Variants in IL7 observed in about 807,000 individuals in gnomAD.
IL7 encodes interleukin-7.
Under a neutral mutation model 21.6 loss-of-function variants are expected in IL7, and 3 were observed. That is an observed-to-expected ratio of 0.14 (90% confidence interval 0.06 to 0.36). The LOEUF (loss-of-function observed/expected upper bound fraction) is 0.36. IL7 is among the 10% of genes least tolerant of loss of function. The pLI, the probability that IL7 is intolerant of heterozygous loss-of-function variation, is 1.00. For synonymous variants in IL7, 62 were observed against 68.1 expected, an observed-to-expected ratio of 0.91 and a Z score of 0.44; for missense variants, 175 against 200.2, an observed-to-expected ratio of 0.87 and a Z score of 0.76.
intron 2 of IL7, among the ~76,000 whole-genome samples, chr8:78,787,497 ACT>A (rs1813551462): frequency 6.6e-6 from 1 of 152,054 alleles, no homozygotes; most frequent in Non-Finnish European, 1.5e-5. Context: ...TCCCACAGAT[ACT>A]CTCTGTCCCC....
At chr8:78,718,841 TACAA>T (rs1033124760) in intron 6 of IL7, 3 of 151,780 alleles carry the variant, frequency 2.0e-5, no homozygotes, top group African/African-American at 7.2e-5. Flanking sequence ...ACTGTAAAGG[TACAA>T]ACAAATCTCT....
chr8:78,696,046 T>A (rs1239694557), intron 3 of IL7, among the ~76,000 whole-genome samples: 1 of 152,114 alleles, frequency 6.6e-6, no homozygotes. Flanking sequence ...TTTCTTTCTT[T>A]TTTTTTTGAG....
At chr8:78,760,598 G>A in intron 2 of IL7, 2 of 1,561,440 alleles carry the variant, frequency 1.3e-6, no homozygotes, top group South Asian at 2.4e-5. Flanking sequence ...TCCCATGACT[G>A]AGGGTACCAG....
At chr8:78,690,377 G>A (rs1423051071) in intron 3 of IL7, among the ~76,000 whole-genome samples, 1 of 152,176 alleles carries the variant, frequency 6.6e-6, no homozygotes, top group African/African-American at 2.4e-5. Flanking sequence ...TGGCTAACAC[G>A]GTGAAACCCC....
chr8:78,717,175 ACT>A (rs1010785747), downstream of IL7, among the ~76,000 whole-genome samples: 2 of 152,220 alleles, frequency 1.3e-5, no homozygotes, highest in Admixed American at 1.3e-4. Flanking sequence ...TTTAGTATTT[ACT>A]AACAAGGATT....
At chr8:78,756,232 TA>T (rs1398606447) in intron 2 of IL7, among the ~76,000 whole-genome samples, 1 of 152,004 alleles carries the variant, frequency 6.6e-6, no homozygotes, top group East Asian at 1.9e-4. Flanking sequence ...TTCAGTTTGT[TA>T]GTATTTTGTT....
At chr8:78,777,423 C>T (rs1448865620) in intron 2 of IL7, among the ~76,000 whole-genome samples, 2 of 151,992 alleles carry the variant, frequency 1.3e-5, no homozygotes, top group African/African-American at 4.8e-5. Context: ...TATGTTGTGG[C>T]ATTAGCATTC....
At chr8:78,699,875 G>C (rs1040579680) in intron 3 of IL7, among the ~76,000 whole-genome samples, 1 of 152,078 alleles carries the variant, frequency 6.6e-6, no homozygotes, top group Non-Finnish European at 1.5e-5. Context: ...ATCATTGATG[G>C]ACATTTAGGT....
At chr8:78,746,596 T>C (rs1487533532) in intron 2 of IL7, among the ~76,000 whole-genome samples, 1 of 152,208 alleles carries the variant, frequency 6.6e-6, no homozygotes, top group African/African-American at 2.4e-5. Flanking sequence ...GAATTTAAGC[T>C]GTACCTCTTG....
intron 3 of IL7, among the ~76,000 whole-genome samples, chr8:78,710,273 T>G (rs1201668282): frequency 6.6e-6 from 1 of 152,152 alleles, no homozygotes; most frequent in Non-Finnish European, 1.5e-5. Context: ...AAGTAACATT[T>G]GAGTTTTGAA....
At chr8:78,698,437 T>A in intron 3 of IL7, 1 of 1,612,902 alleles carries the variant, frequency 6.2e-7, no homozygotes, top group Non-Finnish European at 8.5e-7. Flanking sequence ...TAAAGTGTCT[T>A]CAAGTAGCAG....
intron 2 of IL7, among the ~76,000 whole-genome samples, chr8:78,749,158 A>G (rs557180281): frequency 1.1e-3 from 173 of 152,252 alleles, no homozygotes; most frequent in African/African-American, 4.1e-3. Context: ...GAAGACTCCA[A>G]ACTAGTAGTT....
intron 5 of IL7, among the ~76,000 whole-genome samples, chr8:78,735,281 T>C (rs1457035211): frequency 6.2e-5 from 8 of 130,030 alleles, no homozygotes; most frequent in East Asian, 2.0e-4. Flanking sequence ...CTTTTCTTTT[T>C]TTTTTTTTTT....
chr8:78,767,936 ACAGTCCC>A (rs961856428), intron 2 of IL7, among the ~76,000 whole-genome samples: 5 of 151,608 alleles, frequency 3.3e-5, no homozygotes, highest in Admixed American at 2.6e-4. Flanking sequence ...CCACCTCACA[ACAGTCCC>A]CAGAGTGTGA....
At chr8:78,764,795 C>T (rs1401581948) in intron 2 of IL7, among the ~76,000 whole-genome samples, 1 of 151,988 alleles carries the variant, frequency 6.6e-6, no homozygotes, top group African/African-American at 2.4e-5. Context: ...CAATCAGAAT[C>T]CCAGGAAGTT....
chr8:78,762,386 G>A, intron 2 of IL7: 2 of 1,612,194 alleles, frequency 1.2e-6, no homozygotes, highest in Non-Finnish European at 1.7e-6. Context: ...AAGTCGGACT[G>A]CGTGCTCTTC....
At chr8:78,676,823 A>G (rs1056576077) in intron 4 of IL7, among the ~76,000 whole-genome samples, 1 of 152,034 alleles carries the variant, frequency 6.6e-6, no homozygotes, top group African/African-American at 2.4e-5. Flanking sequence ...AGCAAAAAAA[A>G]AGTGCCTTTT....
intron 3 of IL7, among the ~76,000 whole-genome samples, chr8:78,722,997 T>G (rs919721386): frequency 2.0e-5 from 3 of 150,422 alleles, no homozygotes; most frequent in African/African-American, 7.3e-5. Context: ...ACTGTAAAAA[T>G]AATAACCATA....
At chr8:78,779,136 C>G (rs1404521312) in intron 2 of IL7, among the ~76,000 whole-genome samples, 1 of 152,132 alleles carries the variant, frequency 6.6e-6, no homozygotes, top group Non-Finnish European at 1.5e-5. Context: ...GCTTAAGAAG[C>G]TTTTGGGCTG....
Sources: allele counts gnomAD v4.1 joint callset (sites outside exome capture counted in the v4.1 genomes callset), GRCh38; gene constraint gnomAD v4.1.1; transcripts MANE v1.5; gene names NCBI Gene and HGNC (gene_info 2026-07-23, HGNC 2026-07-21).